STXBP5L: variants seen among roughly 807,000 people sequenced by gnomAD.
The protein encoded by STXBP5L is syntaxin binding protein 5L.
STXBP5L carries 65 observed loss-of-function variants against 144.5 expected under a neutral mutation model. The ratio of observed to expected loss-of-function variants is 0.45; its 90% CI spans 0.37 to 0.55. STXBP5L has a LOEUF of 0.55. Ranked by LOEUF, STXBP5L falls within the 20% of genes least tolerant of loss-of-function variation. STXBP5L has a pLI of 0.00. For synonymous variants in STXBP5L, 505 were observed against 469.6 expected (o/e 1.08, Z -0.97); for missense variants, 1,298 against 1,405.5 (o/e 0.92, Z 1.22).
At chr3:120,996,539 C>T (rs1025199279) in intron 3 of STXBP5L, among the ~76,000 whole-genome samples, 1 of 152,078 alleles carries the variant, frequency 6.6e-6, no homozygotes, top group Non-Finnish European at 1.5e-5. Context: ...AGTCATCATG[C>T]TCTAAATTAA....
chr3:121,321,135 A>G (rs2043956710), intron 20 of STXBP5L, among the ~76,000 whole-genome samples: 1 of 152,204 alleles, frequency 6.6e-6, no homozygotes, highest in Admixed American at 6.5e-5. Context: ...GATAAGATCC[A>G]TTTGTCACTT....
intron 3 of STXBP5L, among the ~76,000 whole-genome samples, chr3:120,991,719 C>A (rs1454919777): frequency 1.3e-5 from 2 of 151,852 alleles, no homozygotes; most frequent in Non-Finnish European, 2.9e-5. Context: ...GGACAAAAAA[C>A]CAAACACCGC....
intron 5 of STXBP5L, among the ~76,000 whole-genome samples, chr3:121,092,981 A>G (rs1430189694): frequency 6.6e-6 from 1 of 152,216 alleles, no homozygotes; most frequent in African/African-American, 2.4e-5. Context: ...TTTAGCATGA[A>G]GAGTTGTTGA....
intron 19 of STXBP5L, among the ~76,000 whole-genome samples, chr3:121,310,678 G>A (rs2108510819): frequency 6.6e-6 from 1 of 152,036 alleles, no homozygotes; most frequent in Middle Eastern, 3.4e-3. Context: ...GGAGGCCAAG[G>A]CAGGTAGACC....
At chr3:120,936,638 C>G (rs538997252) in intron 2 of STXBP5L, among the ~76,000 whole-genome samples, 1 of 151,452 alleles carries the variant, frequency 6.6e-6, no homozygotes, top group Admixed American at 6.6e-5. Flanking sequence ...TTGACAGAGT[C>G]TCGCTCTGTC....
At chr3:121,038,477 A>G (rs1450025826) in intron 3 of STXBP5L, among the ~76,000 whole-genome samples, 2 of 151,938 alleles carry the variant, frequency 1.3e-5, no homozygotes, top group East Asian at 1.9e-4. Context: ...TATGATTTCA[A>G]TACTTTTAAA....
intron 19 of STXBP5L, among the ~76,000 whole-genome samples, chr3:121,308,016 A>G (rs1559958860): frequency 6.6e-6 from 1 of 152,250 alleles, no homozygotes; most frequent in Non-Finnish European, 1.5e-5. Flanking sequence ...CCAGAAGGGA[A>G]TGGGATGACA....
intron 5 of STXBP5L, among the ~76,000 whole-genome samples, chr3:121,086,481 C>G (rs1193692552): frequency 6.6e-6 from 1 of 152,000 alleles, no homozygotes; most frequent in African/African-American, 2.4e-5. Context: ...TTTAGATACA[C>G]AAATGTTTAC....
chr3:120,994,405 T>A (rs1943175394), intron 3 of STXBP5L, among the ~76,000 whole-genome samples: 1 of 152,160 alleles, frequency 6.6e-6, no homozygotes, highest in Non-Finnish European at 1.5e-5. Flanking sequence ...CCACATTCAG[T>A]ATGATGTTAG....
At chr3:120,959,830 A>C (rs1371146324) in intron 3 of STXBP5L, among the ~76,000 whole-genome samples, 1 of 152,224 alleles carries the variant, frequency 6.6e-6, no homozygotes, top group Non-Finnish European at 1.5e-5. Context: ...AATACCATTC[A>C]GGACATAGGC....
chr3:120,972,925 C>A (rs1940446610), intron 3 of STXBP5L, among the ~76,000 whole-genome samples: 1 of 151,990 alleles, frequency 6.6e-6, no homozygotes, highest in Admixed American at 6.6e-5. Context: ...AAAACTCACT[C>A]TATTGTGGTG....
intron 18 of STXBP5L, among the ~76,000 whole-genome samples, chr3:121,265,413 C>G (rs910134762): frequency 3.3e-5 from 5 of 152,178 alleles, no homozygotes; most frequent in Non-Finnish European, 7.3e-5. Flanking sequence ...TAAATAAGCT[C>G]TTTGAAACCA....
intron 25 of STXBP5L, among the ~76,000 whole-genome samples, chr3:121,416,498 TATTTATTTATTA>T (rs1383391007): frequency 1.4e-5 from 2 of 141,062 alleles, no homozygotes; most frequent in African/African-American, 5.1e-5. Context: ...TTTATTTATT[TATTTATTTATTA>T]TTTATTTATT....
rs74987190 is a variant in STXBP5L at position 121,299,188 on chromosome 3, G to A, written c.2110+19232G>A. 5.3e-5 allele frequency among the ~76,000 whole-genome samples: 8 copies of A among 152,142 alleles called. No individual in the cohort carries two copies. In the East Asian group the frequency reaches 9.7e-4, roughly 18 times the overall value. Reference sequence around the variant, plus strand: ...AAGTTTCATGAAATCATCTATCATCGTCATTTTTTGAAAACAGTATTACTA... The same window carrying A: ...AAGTTTCATGAAATCATCTATCATCATCATTTTTTGAAAACAGTATTACTA... On this transcript the variant is annotated intron_variant, in intron 19 of 26. Transcript: ENST00000471454.
intron 3 of STXBP5L, among the ~76,000 whole-genome samples, chr3:121,030,786 T>G (rs1159405499): frequency 2.0e-5 from 3 of 152,108 alleles, no homozygotes; most frequent in Non-Finnish European, 1.5e-5. Flanking sequence ...GTAGAAGATT[T>G]TGATGCATGA....
At chr3:121,225,384 G>T (rs976248686) in intron 11 of STXBP5L, among the ~76,000 whole-genome samples, 3 of 152,052 alleles carry the variant, frequency 2.0e-5, no homozygotes, top group Non-Finnish European at 4.4e-5. Context: ...ATGAGAATTA[G>T]GGTAAAAGCC....
intron 22 of STXBP5L, among the ~76,000 whole-genome samples, chr3:121,398,954 C>T (rs2046803365): frequency 1.3e-5 from 2 of 152,082 alleles, no homozygotes; most frequent in Admixed American, 1.3e-4. Context: ...ACTGCTCGAA[C>T]AGACACTGGG....
At chr3:121,129,401 G>A (rs2044864973) in intron 7 of STXBP5L, among the ~76,000 whole-genome samples, 1 of 150,356 alleles carries the variant, frequency 6.7e-6, no homozygotes, top group Non-Finnish European at 1.5e-5. Flanking sequence ...AATACATATT[G>A]TTGAGTTCCA....
Position 121,413,250 on chromosome 3 carries a change from A to G in STXBP5L, c.3041A>G (p.Gln1014Arg), listed in dbSNP as rs1380558117. Reference sequence around the variant, plus strand: ...ACATTTTGTTTTACCAATGAAGGACAGGCATTATACCTCGTCTCTCCTACT... The same window carrying G: ...ACATTTTGTTTTACCAATGAAGGACGGGCATTATACCTCGTCTCTCCTACT... The part of the protein sequence containing the change: ...ARTFCFTNEG[Q>R]ALYLVSPTEI... The change falls in exon 24 of 27, where the codon CAG becomes CGG. Residue 1014 changes from glutamine to arginine, a missense_variant. Coordinates refer to ENST00000471454, the MANE Select transcript of STXBP5L (RefSeq NM_001308330.2). 1 of 1,610,028 alleles carries G rather than the reference A, an allele frequency of 6.2e-7. No homozygotes were observed. The highest frequency in any genetic ancestry group is 8.5e-7 in the Non-Finnish European group (1 of 1,178,808).
Sources: allele counts gnomAD v4.1 joint callset (sites outside exome capture counted in the v4.1 genomes callset), GRCh38; gene constraint gnomAD v4.1.1; transcripts MANE v1.5; gene names NCBI Gene and HGNC (gene_info 2026-07-23, HGNC 2026-07-21).